CHD6: variants seen among roughly 807,000 people sequenced by gnomAD.
The protein encoded by CHD6 is chromodomain helicase DNA binding protein 6, also known as ATP-dependent chromatin remodeler CHD6.
CHD6 carries 50 observed loss-of-function variants against 276.9 expected under a neutral mutation model. The observed-to-expected ratio is 0.18, with a 90% CI of 0.14 to 0.23. The LOEUF (loss-of-function observed/expected upper bound fraction) is 0.23. Ranked by LOEUF, CHD6 falls within the 10% of genes least tolerant of loss-of-function variation. CHD6 has a pLI of 1.00. For missense variants in CHD6, 2,564 were observed against 3,365.8 expected (o/e 0.76, Z 5.89); for synonymous variants, 1,173 against 1,229.3 (o/e 0.95, Z 0.96).
chr20:41,613,188 T>A (rs1294332094), intron 1 of CHD6, among the ~76,000 whole-genome samples: 3 of 152,188 alleles, frequency 2.0e-5, no homozygotes, highest in Non-Finnish European at 4.4e-5. Flanking sequence ...TAATGGAAGT[T>A]GCAAAGCATT....
At chr20:41,581,485 G>A (rs1418278003) in intron 1 of CHD6, among the ~76,000 whole-genome samples, 3 of 152,060 alleles carry the variant, frequency 2.0e-5, no homozygotes, top group African/African-American at 7.3e-5. Context: ...GACCATCCTG[G>A]CCAACATGGT....
At chr20:41,416,254 C>G (rs1160207177) in intron 33 of CHD6, among the ~76,000 whole-genome samples, 2 of 152,118 alleles carry the variant, frequency 1.3e-5, no homozygotes, top group African/African-American at 4.8e-5. Context: ...GTCATCTTTG[C>G]CAGTTCCCCC....
At chr20:41,463,450 G>A (rs56360617) in intron 17 of CHD6, among the ~76,000 whole-genome samples, 6,998 of 152,176 alleles carry the variant, frequency 0.046, 226 homozygotes, top group Non-Finnish European at 0.077. Flanking sequence ...TGGAGAAATC[G>A]GACAGATATC....
chr20:41,538,663 G>A (rs901844716), intron 2 of CHD6, among the ~76,000 whole-genome samples: 1 of 152,188 alleles, frequency 6.6e-6, no homozygotes, highest in South Asian at 2.1e-4. Flanking sequence ...GAAAAATCCA[G>A]TACTAGGACA....
At chr20:41,507,061 C>T (rs1041114179) in intron 5 of CHD6, among the ~76,000 whole-genome samples, 1 of 152,202 alleles carries the variant, frequency 6.6e-6, no homozygotes, top group African/African-American at 2.4e-5. Flanking sequence ...ACTTTCCCCA[C>T]CTGCTCCTAA....
At chr20:41,458,878 C>T (rs1213516249) in intron 17 of CHD6, among the ~76,000 whole-genome samples, 1 of 152,146 alleles carries the variant, frequency 6.6e-6, no homozygotes, top group Non-Finnish European at 1.5e-5. Context: ...GCAGGTATCA[C>T]TGGACACCCC....
intron 3 of CHD6, among the ~76,000 whole-genome samples, chr20:41,521,480 A>C (rs1374420277): frequency 6.6e-6 from 1 of 152,238 alleles, no homozygotes; most frequent in East Asian, 1.9e-4. Context: ...AGGCATCATC[A>C]GTTGAACTCA....
At chr20:41,417,129 G>A in intron 32 of CHD6, 69 bp downstream of exon 32, 1 of 1,389,418 alleles carries the variant, frequency 7.2e-7, no homozygotes, top group Non-Finnish European at 9.9e-7. Context: ...TTTCTAAAAG[G>A]GTTAAAAAAA....
chr20:41,551,350 G>T lies in CHD6; in HGVS notation c.-13C>A, dbSNP rs779033906. ...TTTTCATTTTCATCTATTGAAGGAA[G>T]ATATTTATTTCTGTAAAACATTTTT... On this transcript the variant is annotated 5_prime_UTR_variant, in exon 2 of 37. Coordinates refer to ENST00000373233, the MANE Select transcript of CHD6 (RefSeq NM_032221.5). 7.2e-7 allele frequency: 1 copy of T among 1,384,098 alleles called. No individual in the cohort carries two copies. Among genetic ancestry groups the T allele is most frequent in the Non-Finnish European group, 1.0e-6 (1 of 981,588 alleles). 85.7% of individuals were successfully genotyped at this position (1,384,098 alleles called of 1,614,324 possible).
At chr20:41,501,987 T>A (rs1477019032) in intron 5 of CHD6, among the ~76,000 whole-genome samples, 1 of 152,068 alleles carries the variant, frequency 6.6e-6, no homozygotes, top group Non-Finnish European at 1.5e-5. Flanking sequence ...TTTTATAAAT[T>A]GTTCTTTCTA....
chr20:41,527,804 G>T (rs1046971990), intron 3 of CHD6, among the ~76,000 whole-genome samples: 1 of 152,216 alleles, frequency 6.6e-6, no homozygotes, highest in Admixed American at 6.5e-5. Context: ...AGTGTCGGGG[G>T]TTGGGGTCTA....
chr20:41,609,377 TTGTGCCC>T (rs2045861802), intron 1 of CHD6, among the ~76,000 whole-genome samples: 1 of 152,236 alleles, frequency 6.6e-6, no homozygotes, highest in South Asian at 2.1e-4. Context: ...TTACAAAATG[TTGTGCCC>T]CATAATCAGT....
intron 25 of CHD6, among the ~76,000 whole-genome samples, chr20:41,440,703 C>A (rs1371811406): frequency 6.6e-6 from 1 of 152,164 alleles, no homozygotes; most frequent in Non-Finnish European, 1.5e-5. Flanking sequence ...AGTGTTTTGA[C>A]CCAGAAGAGG....
rs1421996757 is a variant in CHD6, at chr20:41,472,717, C to CT, written c.2664+604dup. On this transcript the variant is annotated intron_variant, in intron 17 of 36. Coordinates refer to ENST00000373233, the MANE Select transcript of CHD6 (RefSeq NM_032221.5). ...CCATTTTCTTGCTTGTTTATGTTAGCTTTCAAAAAATATATCAACTCCAAT... is the reference window on the plus strand; with the variant it reads ...CCATTTTCTTGCTTGTTTATGTTAGCTTTTCAAAAAATATATCAACTCCAAT... 2.6e-5 allele frequency among the ~76,000 whole-genome samples: 4 copies of CT among 152,296 alleles called. No individual in the cohort carries two copies. In the East Asian group the frequency reaches 7.7e-4, roughly 29 times the overall value.
At position 41,413,440 on chromosome 20, in the gene CHD6, G is replaced by A. The variant is rs1569045564; in HGVS notation, c.7015C>T (p.Pro2339Ser). 2 of 1,611,642 alleles carry A rather than the reference G, an allele frequency of 1.2e-6. No individual in the cohort carries two copies. Among genetic ancestry groups the A allele is most frequent in the Non-Finnish European group, 1.7e-6 (2 of 1,179,702 alleles). ...PEGPGPATSA[P>S]EPATAASSQA... Reference sequence around the variant, plus strand: ...CTGCTGGCTGCCGTAGCTGGCTCAGGAGCCGAGGTGGCAGGCCCTGGCCCC... The same window carrying A: ...CTGCTGGCTGCCGTAGCTGGCTCAGAAGCCGAGGTGGCAGGCCCTGGCCCC... The change falls in exon 35 of 37, where the codon CCT becomes TCT. Residue 2339 changes from proline to serine, a missense_variant. By Grantham distance (74) the Pro-to-Ser change is moderately conservative (BLOSUM62 -1). This residue lies in a region of CHD6 where 1,024 missense variants were observed against 1,047.9 expected (regional missense o/e 0.98). Transcript: ENST00000373233.
chr20:41,596,149 G>A (rs2045715699), intron 1 of CHD6, among the ~76,000 whole-genome samples: 1 of 152,112 alleles, frequency 6.6e-6, no homozygotes, highest in African/African-American at 2.4e-5. Context: ...GCCCAAACAT[G>A]CCCCTCCCTC....
At chr20:41,489,617 C>A (rs371483147) in intron 12 of CHD6, among the ~76,000 whole-genome samples, 161 bp downstream of exon 12, 8 of 152,282 alleles carry the variant, frequency 5.3e-5, no homozygotes, top group African/African-American at 1.7e-4. Context: ...TAAATTAAAA[C>A]GAGCTACCAG....
intron 1 of CHD6, among the ~76,000 whole-genome samples, chr20:41,578,540 C>T (rs2903376): frequency 0.39 from 59,276 of 151,588 alleles, 13,884 homozygotes; most frequent in African/African-American, 0.64. Flanking sequence ...ATTAGCTGGG[C>T]GTAGGGGCAG....
Position 41,587,321 on chromosome 20 carries a change from G to T in CHD6, c.-24+31019C>A, listed in dbSNP as rs566028661. Among the ~76,000 whole-genome samples, 38 of 152,340 alleles carry T rather than the reference G, an allele frequency of 2.5e-4. No individual in the cohort carries two copies. In the South Asian group the frequency reaches 7.9e-3, roughly 32 times the overall value. ...AAATTGGCCAATCTCTTCTGTTACA[G>T]AAATACTATCTGATAGCCTAAGTAG... On this transcript the variant is annotated intron_variant, in intron 1 of 36. Coordinates refer to ENST00000373233, the MANE Select transcript of CHD6 (RefSeq NM_032221.5).
Sources: gnomAD v4.1 joint callset for allele counts (sites outside exome capture counted in the v4.1 genomes callset) on GRCh38, gnomAD v4.1.1 for gene constraint, gnomAD v4.1.1 regional missense constraint, MANE v1.5 for transcripts, NCBI Gene and HGNC (gene_info 2026-07-23, HGNC 2026-07-21) for gene names.